Variants in PDPK1 observed in about 807,000 individuals in gnomAD.
The protein encoded by PDPK1 is 3-phosphoinositide-dependent protein kinase 1.
Under a neutral mutation model 39.8 loss-of-function variants are expected in PDPK1, and 7 were observed. The ratio of observed to expected loss-of-function variants is 0.18; its 90% CI spans 0.10 to 0.33. PDPK1 has a LOEUF of 0.33. PDPK1 is among the 10% of genes least tolerant of loss of function. PDPK1 has a pLI of 1.00. For missense variants in PDPK1, 182 were observed against 384.7 expected (o/e 0.47, Z 4.41); for synonymous variants, 118 against 159.1 (o/e 0.74, Z 1.95).
In PDPK1 at chr16:2,597,402, C is replaced by A; in HGVS notation, c.1554+127C>A. On this transcript the variant is annotated intron_variant, in intron 13 of 13. Coordinates refer to ENST00000342085, the MANE Select transcript of PDPK1 (RefSeq NM_002613.5). This position sits in a 1 kb window ranked among gnomAD's most constrained non-coding sequence, Gnocchi z 6.3. ...GGGGCAGCTGCCTCGCCCTTTCCGA[C>A]ATCCCAGACGCCCACACTAGTGGCT... is the stretch of plus-strand genomic sequence containing the variant. The A allele has an allele frequency of 1.2e-6, 1 of 868,432 alleles. No individual in the cohort carries two copies. The highest frequency in any genetic ancestry group is 1.8e-6 in the Non-Finnish European group (1 of 550,086). The allele number at this position is 868,432 out of a possible 1,614,324, so 53.8% of individuals were successfully genotyped here. A position where few individuals can be genotyped will look rare whatever the true frequency, so the allele number is the denominator to read the frequency against.
chr16:2,591,380 C>A (rs2066987113), intron 11 of PDPK1, among the ~76,000 whole-genome samples: 1 of 152,122 alleles, frequency 6.6e-6, no homozygotes, highest in Non-Finnish European at 1.5e-5. Flanking sequence ...GTAGAAGAGC[C>A]CCTAGTGCAG....
rs1207487921 is a variant in PDPK1 at position 2,538,765 on chromosome 16, T to C, written c.24+629T>C. ...CAGGATCACCGAGGGGAAAGTGAGC[T>C]TGACAGGTAGGAGGGATTTTAGGGG... On this transcript the variant is annotated intron_variant, in intron 1 of 13. Coordinates refer to ENST00000342085, the MANE Select transcript of PDPK1 (RefSeq NM_002613.5). 3.9e-6 allele frequency: 5 copies of C among 1,284,074 alleles called. No homozygotes were observed. The South Asian group carries it at 4.9e-5, about 13-fold the overall frequency. 79.5% of individuals were successfully genotyped at this position (1,284,074 alleles called of 1,614,324 possible). A position where few individuals can be genotyped will look rare whatever the true frequency, so the allele number is the denominator to read the frequency against.
At chr16:2,552,771 A>C (rs1438181892) in intron 1 of PDPK1, among the ~76,000 whole-genome samples, 2 of 134,108 alleles carry the variant, frequency 1.5e-5, no homozygotes, top group Non-Finnish European at 3.1e-5. Context: ...CTCAGCACTG[A>C]TGAAGTCACA....
chr16:2,562,263 C>CT, intron 4 of PDPK1: 1 of 267,266 alleles, frequency 3.7e-6, no homozygotes, highest in South Asian at 4.4e-5. Context: ...ACCTCTGCCC[C>CT]ATCCAGCTGA....
intron 7 of PDPK1, among the ~76,000 whole-genome samples, chr16:2,578,183 G>A (rs2066754100): frequency 6.8e-6 from 1 of 147,190 alleles, no homozygotes; most frequent in Non-Finnish European, 1.5e-5. Context: ...CAGCTGCAGT[G>A]GGACAGCGTC....
At chr16:2,595,251 T>G (rs928581844) in intron 11 of PDPK1, among the ~76,000 whole-genome samples, 2 of 152,218 alleles carry the variant, frequency 1.3e-5, no homozygotes, top group Non-Finnish European at 2.9e-5. Context: ...TAAAAGTGTT[T>G]TACTATGATG....
intron 1 of PDPK1, among the ~76,000 whole-genome samples, chr16:2,545,141 A>AT (rs2066317489): frequency 6.7e-6 from 1 of 149,350 alleles, no homozygotes; most frequent in Non-Finnish European, 1.5e-5. Context: ...GGTTCAAGTG[A>AT]TTCTCCTGCC....
rs755991413 is a variant in PDPK1, at chr16:2,597,662, G to T, written c.1566G>T (p.Thr522=). ...TTCTGTCTTCGCAGCCTAACAGGACGTATTATCTGATGGACCCCAGCGGGA... is the reference window on the plus strand; with the variant it reads ...TTCTGTCTTCGCAGCCTAACAGGACTTATTATCTGATGGACCCCAGCGGGA... ...KTFFVHTPNR[T]YYLMDPSGNA... Residue 522 remains threonine (T), a synonymous_variant, in exon 14 of 14, where the codon ACG becomes ACT. Transcript: ENST00000342085. This position sits in a 1 kb window ranked among gnomAD's most constrained non-coding sequence, Gnocchi z 6.3. 1.2e-6 allele frequency: 2 copies of T among 1,612,648 alleles called. No homozygotes were observed. The highest frequency in any genetic ancestry group is 1.1e-5 in the South Asian group (1 of 91,048).
chr16:2,596,628 C>T (rs2067107726), intron 12 of PDPK1, among the ~76,000 whole-genome samples: 1 of 152,254 alleles, frequency 6.6e-6, no homozygotes, highest in Non-Finnish European at 1.5e-5. Context: ...AATCATATTA[C>T]TTCTACAGTA....
intron 1 of PDPK1, chr16:2,539,290 G>A (rs1052243391): frequency 6.5e-6 from 1 of 154,798 alleles, no homozygotes; most frequent in African/African-American, 2.4e-5. Context: ...ATGTTGGCCA[G>A]GCTGGTCTGG....
chr16:2,544,572 C>G (rs1388972660), intron 1 of PDPK1, among the ~76,000 whole-genome samples: 1 of 152,086 alleles, frequency 6.6e-6, no homozygotes, highest in East Asian at 1.9e-4. Flanking sequence ...GTATACATTA[C>G]CCCCTCACCT....
Position 2,602,115 on chromosome 16 carries a change from A to G in PDPK1, c.*4348A>G. The G allele has an allele frequency of 4.3e-6, 1 of 234,570 alleles. No homozygotes were observed. Among genetic ancestry groups the G allele is most frequent in the Non-Finnish European group, 8.5e-6 (1 of 117,914 alleles). 14.5% of individuals were successfully genotyped at this position (234,570 alleles called of 1,614,324 possible). Reference sequence around the variant, plus strand: ...CAGAGATCGCAGCTGCTGTGAGAATACGGTGAAGGTACTTTGTTCTGGAAG... The same window carrying G: ...CAGAGATCGCAGCTGCTGTGAGAATGCGGTGAAGGTACTTTGTTCTGGAAG... On this transcript the variant is annotated 3_prime_UTR_variant, in exon 14 of 14. Coordinates refer to ENST00000342085, the MANE Select transcript of PDPK1 (RefSeq NM_002613.5).
At chr16:2,595,383 C>T (rs1005148383) in intron 11 of PDPK1, among the ~76,000 whole-genome samples, 14 of 152,240 alleles carry the variant, frequency 9.2e-5, no homozygotes, top group African/African-American at 3.1e-4. Context: ...AACTTGAGGG[C>T]GATCATCTCA....
rs1368892601 is a variant in PDPK1, at chr16:2,602,671, A to C, written c.*4904A>C. The C allele has an allele frequency of 4.3e-6, 1 of 234,754 alleles. No individual in the cohort carries two copies. The highest frequency in any genetic ancestry group is 2.2e-5 in the African/African-American group (1 of 45,364). The allele number at this position is 234,754 out of a possible 1,614,324, so 14.5% of individuals were successfully genotyped here. ...GCTGCTGTAGCTGTTCCTTCACAAC[A>C]TAAAATAGGATAAATGACTAGTACG... On this transcript the variant is annotated 3_prime_UTR_variant, in exon 14 of 14. Coordinates refer to ENST00000342085, the MANE Select transcript of PDPK1 (RefSeq NM_002613.5).
Position 2,600,126 on chromosome 16 carries a change from T to A in PDPK1, c.*2359T>A, listed in dbSNP as rs2067187498. 1 of 233,116 alleles carries A rather than the reference T, an allele frequency of 4.3e-6. No homozygotes were observed. Among genetic ancestry groups the A allele is most frequent in the South Asian group, 1.8e-4 (1 of 5,534 alleles). The allele number at this position is 233,116 out of a possible 1,614,324, so 14.4% of individuals were successfully genotyped here. On this transcript the variant is annotated 3_prime_UTR_variant, in exon 14 of 14. Transcript: ENST00000342085. ...TGTGCTTGCTCATGTCTACTCCGGTTTTCTCTACCACATCCTTAGAGCCAT... is the reference window on the plus strand; with the variant it reads ...TGTGCTTGCTCATGTCTACTCCGGTATTCTCTACCACATCCTTAGAGCCAT...
intron 11 of PDPK1, among the ~76,000 whole-genome samples, chr16:2,587,609 A>G (rs984396996): frequency 1.3e-5 from 2 of 152,182 alleles, no homozygotes; most frequent in African/African-American, 4.8e-5. Flanking sequence ...CCTGGGTTCA[A>G]GCAATTCTCC....
At chr16:2,578,084 C>T (rs965761522) in intron 7 of PDPK1, among the ~76,000 whole-genome samples, 15 of 149,236 alleles carry the variant, frequency 1.0e-4, no homozygotes, top group African/African-American at 3.3e-4. Flanking sequence ...GCGTGGCTGC[C>T]GTGTGCACAG....
At chr16:2,551,538 C>A (rs2066408196) in intron 1 of PDPK1, among the ~76,000 whole-genome samples, 1 of 151,206 alleles carries the variant, frequency 6.6e-6, no homozygotes, top group African/African-American at 2.4e-5. Flanking sequence ...TTCCCAGGCT[C>A]CAGAGCACAC....
Position 2,593,893 on chromosome 16 carries a change from C to G in PDPK1, c.1344-1900C>G, listed in dbSNP as rs1315876253. Reference sequence around the variant, plus strand: ...TGTCCTTTTCAGGAACCTCCTTGATCTGTTTCTCTTTGTTTTAATACCCAC... The same window carrying G: ...TGTCCTTTTCAGGAACCTCCTTGATGTGTTTCTCTTTGTTTTAATACCCAC... On this transcript the variant is annotated intron_variant, in intron 11 of 13. Coordinates refer to ENST00000342085, the MANE Select transcript of PDPK1 (RefSeq NM_002613.5). The surrounding 1 kb of genome is among the most constrained non-coding windows in gnomAD (Gnocchi z 4.2). 2 of 152,344 alleles carry G rather than the reference C, an allele frequency of 1.3e-5. No individual in the cohort carries two copies. Among genetic ancestry groups the G allele is most frequent in the Non-Finnish European group, 2.9e-5 (2 of 68,130 alleles). 9.4% of individuals were successfully genotyped at this position (152,344 alleles called of 1,614,324 possible).
Sources: allele counts gnomAD v4.1 joint callset (sites outside exome capture counted in the v4.1 genomes callset), GRCh38; gene constraint gnomAD v4.1.1; non-coding constraint Gnocchi (gnomAD v3.1); transcripts MANE v1.5; gene names NCBI Gene and HGNC (gene_info 2026-07-23, HGNC 2026-07-21).